HSPA4: variants seen among roughly 807,000 people sequenced by gnomAD.
HSPA4 encodes heat shock protein family A (Hsp70) member 4.
Under a neutral mutation model 106.2 loss-of-function variants are expected in HSPA4, and 25 were observed. That is an observed-to-expected ratio of 0.24 (90% CI 0.17 to 0.33). The LOEUF (loss-of-function observed/expected upper bound fraction) is 0.33, where lower values mean the gene tolerates loss of function less well. HSPA4 is among the 10% of genes least tolerant of loss of function. The probability of loss-of-function intolerance (pLI) is 1.00; values close to 1 mark genes in which losing one functional copy is unlikely to be tolerated. For synonymous variants in HSPA4, 332 were observed against 333.6 expected, an observed-to-expected ratio of 1.00 and a Z score of 0.05; for missense variants, 841 against 996.0, an observed-to-expected ratio of 0.84 and a Z score of 2.10.
chr5:133,098,618 C>T lies in HSPA4; in HGVS notation c.1930-927C>T, dbSNP rs139555409. 5.6e-3 allele frequency among the ~76,000 whole-genome samples: 853 copies of T among 151,828 alleles called. 7 individuals carry two copies. The highest frequency in any genetic ancestry group is 0.01 in the Middle Eastern group (3 of 294). On this transcript the variant is annotated intron_variant, in intron 15 of 18. Transcript: ENST00000304858. ...GATTACAGGCGTGAGTCACCGTGCCCGGTCTACCATGTTTTCTTTATTTAC... is the reference window on the plus strand; with the variant it reads ...GATTACAGGCGTGAGTCACCGTGCCTGGTCTACCATGTTTTCTTTATTTAC...
chr5:133,059,388 C>CAGAATCACTTGAACCCGGGAGGCAG (rs1765208078), intron 1 of HSPA4, among the ~76,000 whole-genome samples: 1 of 150,136 alleles, frequency 6.7e-6, no homozygotes, highest in South Asian at 2.1e-4. Flanking sequence ...GCAGAGGTTG[C>CAGAATCACTTGAACCCGGGAGGCAG]AGTGAGCCGA....
At chr5:133,072,399 T>TGTTTTTTGTTTTTTG (rs1561579050) in intron 4 of HSPA4, among the ~76,000 whole-genome samples, 2 of 137,076 alleles carry the variant, frequency 1.5e-5, no homozygotes, top group Admixed American at 7.2e-5. Flanking sequence ...GTTGTTTTTT[T>TGTTTTTTGTTTTTTG]TTTTTTTTTT....
At chr5:133,088,994 A>ATAT (rs1170651040) in intron 9 of HSPA4, 61 bp from the exon 10 acceptor site, 1 of 765,126 alleles carries the variant, frequency 1.3e-6, no homozygotes, top group Non-Finnish European at 2.1e-6. Flanking sequence ...TGTTTAAGTG[A>ATAT]TATTATCAGT....
At chr5:133,056,343 C>A (rs539135159) in intron 1 of HSPA4, among the ~76,000 whole-genome samples, 2 of 152,084 alleles carry the variant, frequency 1.3e-5, no homozygotes, top group African/African-American at 4.8e-5. Flanking sequence ...TGATTTTTAC[C>A]TAGGTGCAGT....
intron 1 of HSPA4, among the ~76,000 whole-genome samples, chr5:133,060,560 C>T (rs1433995874): frequency 2.0e-5 from 3 of 152,036 alleles, no homozygotes; most frequent in African/African-American, 4.8e-5. Context: ...ACGGGTTTCA[C>T]CGTGTTGTCC....
chr5:133,100,527 C>T (rs62375244), intron 16 of HSPA4, among the ~76,000 whole-genome samples: 35,526 of 151,850 alleles, frequency 0.23, 4,324 homozygotes, highest in Middle Eastern at 0.26. Flanking sequence ...CTCCCAAGCG[C>T]GGTGGCTCAT....
chr5:133,063,557 AGTAGCTG>A (rs1765271436), intron 1 of HSPA4, among the ~76,000 whole-genome samples: 2 of 149,916 alleles, frequency 1.3e-5, no homozygotes, highest in South Asian at 4.2e-4. Flanking sequence ...CAGCCTCCTG[AGTAGCTG>A]GGATTATAGG....
rs772728274 is a variant in HSPA4 at position 133,104,298 on chromosome 5, G to A, written c.2385G>A (p.Glu795=). ...AACCCAAAGTGGAACCTCCAAAAGA[G>A]GAACAAAAAAATGCAGAGCAGAATG... ...KPKPKVEPPK[E]EQKNAEQNGP... The change falls in exon 19 of 19, where the codon GAG becomes GAA. Residue 795 remains glutamate, a synonymous_variant. Coordinates refer to ENST00000304858, the MANE Select transcript of HSPA4 (RefSeq NM_002154.4). 6.2e-7 allele frequency: 1 copy of A among 1,614,020 alleles called. No individual in the cohort carries two copies. The highest frequency in any genetic ancestry group is 8.5e-7 in the Non-Finnish European group (1 of 1,179,992).
chr5:133,079,385 A>ATGTAATG (rs1187765711), intron 7 of HSPA4, among the ~76,000 whole-genome samples: 6 of 152,190 alleles, frequency 3.9e-5, no homozygotes, highest in Admixed American at 3.3e-4. Flanking sequence ...TATAAGTGTA[A>ATGTAATG]TCATGTAATA....
rs553195357 is a variant in HSPA4 at position 133,074,895 on chromosome 5, T to G, written c.663+769T>G. 7.9e-5 allele frequency among the ~76,000 whole-genome samples: 12 copies of G among 152,316 alleles called. No homozygotes were observed. The Middle Eastern group carries it at 0.01, about 130-fold the overall frequency. On this transcript the variant is annotated intron_variant, in intron 6 of 18. Coordinates refer to ENST00000304858, the MANE Select transcript of HSPA4 (RefSeq NM_002154.4). ...TGTCTAGATGATTTTATCTAGAATT[T>G]GGTGAAGAACCAAGGATTTCTCAAG...
chr5:133,066,701 T>A (rs1295173808), intron 2 of HSPA4, among the ~76,000 whole-genome samples: 1 of 151,912 alleles, frequency 6.6e-6, no homozygotes, highest in African/African-American at 2.4e-5. Context: ...TTATGAGAAA[T>A]TTGTTTCACT....
In HSPA4 at chr5:133,090,430, C is replaced by CAAAAAA. The variant is rs56263518; in HGVS notation, c.1379-743_1379-738dup. Among the ~76,000 whole-genome samples, 13 of 54,874 alleles carry CAAAAAA rather than the reference C, an allele frequency of 2.4e-4. 1 individual carries two copies. Among genetic ancestry groups the CAAAAAA allele is most frequent in the African/African-American group, 7.7e-4 (10 of 13,000 alleles). The allele number at this position is 54,874 out of a possible 152,430, so 36.0% of individuals were successfully genotyped here. On this transcript the variant is annotated intron_variant, in intron 11 of 18. Transcript: ENST00000304858. The stretch of plus-strand genomic sequence containing the variant: ...TAGGCGACAGAGCGAGACTCTGTCT[C>CAAAAAA]AAAAAAAAAAAAAAAAAAAAAAAAA...
At chr5:133,093,560 G>A (rs535418260) in intron 13 of HSPA4, among the ~76,000 whole-genome samples, 1 of 151,700 alleles carries the variant, frequency 6.6e-6, no homozygotes, top group South Asian at 2.1e-4. Context: ...GCATGATCTC[G>A]GCTCACTGCA....
At chr5:133,073,918 A>G in intron 5 of HSPA4, 75 bp from the exon 6 acceptor site, 1 of 1,044,736 alleles carries the variant, frequency 9.6e-7, no homozygotes, top group Non-Finnish European at 1.3e-6. Context: ...TATATATAAA[A>G]CCTCTTTTTT....
At chr5:133,079,281 T>C (rs933360562) in intron 7 of HSPA4, among the ~76,000 whole-genome samples, 1 of 152,238 alleles carries the variant, frequency 6.6e-6, no homozygotes, top group East Asian at 1.9e-4. Flanking sequence ...TCATACCCAG[T>C]AGGTGATTAT....
At chr5:133,067,366 A>T (rs1423030755) in intron 2 of HSPA4, 51 bp from the exon 3 acceptor site, 1 of 1,118,610 alleles carries the variant, frequency 8.9e-7, no homozygotes, top group South Asian at 1.7e-5. Context: ...CTGTTGAAAT[A>T]AAAAAAAAAT....
chr5:133,053,580 A>C, intron 1 of HSPA4, among the ~76,000 whole-genome samples: 1 of 151,574 alleles, frequency 6.6e-6, no homozygotes. Flanking sequence ...GAACTTCTGG[A>C]CTCAAGCAGT....
Position 133,101,806 on chromosome 5 carries a change from A to G in HSPA4, c.2085A>G (p.Arg695=). 6.2e-7 allele frequency: 1 copy of G among 1,609,062 alleles called. No individual in the cohort carries two copies. Among genetic ancestry groups the G allele is most frequent in the Non-Finnish European group, 8.5e-7 (1 of 1,176,700 alleles). ...TACGTTTCCAGGAATCTGAAGAACG[A>G]CCAAAATTATTTGAAGAACTAGGGA... ...IKIRFQESEE[R]PKLFEELGKQ... The change falls in exon 17 of 19, where the codon CGA becomes CGG. Residue 695 remains arginine (R), a synonymous_variant. Transcript: ENST00000304858.
intron 1 of HSPA4, among the ~76,000 whole-genome samples, chr5:133,053,328 CTTTTT>C (rs58722769): frequency 7.7e-6 from 1 of 129,244 alleles, no homozygotes; most frequent in Non-Finnish European, 1.6e-5. Flanking sequence ...GGTCTCTCTT[CTTTTT>C]TTTTTTTTTT....
Sources: allele counts gnomAD v4.1 joint callset (sites outside exome capture counted in the v4.1 genomes callset), GRCh38; gene constraint gnomAD v4.1.1; transcripts MANE v1.5; gene names NCBI Gene and HGNC (gene_info 2026-07-23, HGNC 2026-07-21).